The following SAMD5 variants were observed in gnomAD, a reference collection of about 807,000 sequenced individuals.
SAMD5 encodes sterile alpha motif domain containing 5.
In SAMD5, 13 loss-of-function variants were observed where a neutral mutation model predicts 11.3. The observed-to-expected ratio is 1.15, with a 90% CI of 0.75 to 1.83. The LOEUF is 1.83. Ranked by LOEUF, SAMD5 falls within the 40% of genes most tolerant of loss-of-function variation. SAMD5 has a pLI of 0.00. For missense variants in SAMD5, 255 were observed against 239.1 expected (o/e 1.07, Z -0.44); for synonymous variants, 129 against 111.3 (o/e 1.16, Z -1.00).
intron 1 of SAMD5, among the ~76,000 whole-genome samples, chr6:147,524,194 G>C (rs1208381809): frequency 6.6e-6 from 1 of 151,898 alleles, no homozygotes; most frequent in Non-Finnish European, 1.5e-5. Context: ...GTGGTGAATT[G>C]ACTCTTCCGC....
At chr6:147,683,235 A>C (rs984304398) in intron 1 of SAMD5, among the ~76,000 whole-genome samples, 4 of 152,234 alleles carry the variant, frequency 2.6e-5, no homozygotes, top group Admixed American at 6.5e-5. Flanking sequence ...ACTACTTCAG[A>C]AGTTTTTAAA....
At chr6:147,854,557 C>A in the SAMD5 span, among the ~76,000 whole-genome samples, 1 of 152,134 alleles carries the variant, frequency 6.6e-6, no homozygotes, top group Non-Finnish European at 1.5e-5. Context: ...CTCTATTGTA[C>A]CTTGGATCAC....
At chr6:147,631,658 G>A (rs879305184) in intron 1 of SAMD5, among the ~76,000 whole-genome samples, 1 of 152,134 alleles carries the variant, frequency 6.6e-6, no homozygotes, top group African/African-American at 2.4e-5. Flanking sequence ...CAGACCCTGT[G>A]GGAAACGCCT....
At chr6:147,888,952 G>A in the SAMD5 span, among the ~76,000 whole-genome samples, 1 of 151,706 alleles carries the variant, frequency 6.6e-6, no homozygotes, top group African/African-American at 2.4e-5. Flanking sequence ...ATATGCCTTA[G>A]TATAGTTTTC....
the SAMD5 span, among the ~76,000 whole-genome samples, chr6:147,904,172 C>T: frequency 1.3e-5 from 2 of 152,202 alleles, no homozygotes; most frequent in Non-Finnish European, 2.9e-5. Context: ...ATTGGTTCCT[C>T]TCTTCTTTAA....
chr6:147,556,984 T>C (rs1309145633), intron 1 of SAMD5, among the ~76,000 whole-genome samples: 1 of 152,240 alleles, frequency 6.6e-6, no homozygotes, highest in East Asian at 1.9e-4. Flanking sequence ...AGTAGTTCTG[T>C]ATGTTGACTG....
At chr6:147,811,469 T>C in the SAMD5 span, among the ~76,000 whole-genome samples, 8 of 152,154 alleles carry the variant, frequency 5.3e-5, no homozygotes, top group East Asian at 5.8e-4. Context: ...TGTGGACCCA[T>C]GGATAGCTTT....
chr6:147,858,965 A>T, the SAMD5 span, among the ~76,000 whole-genome samples: 2 of 152,214 alleles, frequency 1.3e-5, no homozygotes, highest in African/African-American at 4.8e-5. Flanking sequence ...GTACAATATT[A>T]GTATGTAGAT....
At chr6:147,674,486 C>A (rs775016567) in intron 1 of SAMD5, among the ~76,000 whole-genome samples, 5 of 152,124 alleles carry the variant, frequency 3.3e-5, no homozygotes, top group Non-Finnish European at 5.9e-5. Flanking sequence ...TAAAATCTGG[C>A]GGGCATTCTC....
the SAMD5 span, among the ~76,000 whole-genome samples, chr6:147,916,549 T>C: frequency 6.6e-6 from 1 of 152,124 alleles, no homozygotes; most frequent in Non-Finnish European, 1.5e-5. Context: ...CATAAATGTC[T>C]TTTTTAAAAT....
chr6:147,793,153 TCAA>T, the SAMD5 span, among the ~76,000 whole-genome samples: 1 of 151,078 alleles, frequency 6.6e-6, no homozygotes, highest in East Asian at 1.9e-4. Context: ...AAGGTCAACA[TCAA>T]CAACAAGTCA....
chr6:147,801,888 A>G, the SAMD5 span, among the ~76,000 whole-genome samples: 2 of 152,298 alleles, frequency 1.3e-5, no homozygotes, highest in South Asian at 2.1e-4. Flanking sequence ...CTTGACCCCT[A>G]TTTCACACTG....
intron 1 of SAMD5, among the ~76,000 whole-genome samples, chr6:147,661,652 T>A (rs2128454475): frequency 6.6e-6 from 1 of 152,302 alleles, no homozygotes; most frequent in East Asian, 1.9e-4. Context: ...TTATTTGAGA[T>A]GGAGTCTCTC....
At chr6:147,718,591 A>G (rs1791500515) in intron 1 of SAMD5, among the ~76,000 whole-genome samples, 1 of 152,222 alleles carries the variant, frequency 6.6e-6, no homozygotes, top group Non-Finnish European at 1.5e-5. Context: ...AAAGACATAT[A>G]GAAACTTCAA....
At chr6:147,677,728 G>A (rs117495092) in intron 1 of SAMD5, among the ~76,000 whole-genome samples, 2,356 of 152,166 alleles carry the variant, frequency 0.015, 35 homozygotes, top group Admixed American at 0.026. Context: ...ATGGGACATC[G>A]GCACTGTAAA....
downstream of SAMD5, among the ~76,000 whole-genome samples, chr6:147,574,423 C>T (rs1402449452): frequency 6.6e-6 from 1 of 152,132 alleles, no homozygotes; most frequent in East Asian, 1.9e-4. Flanking sequence ...TATTTATCTT[C>T]TGTAGGGACT....
chr6:147,671,256 G>A (rs144422801), intron 1 of SAMD5, among the ~76,000 whole-genome samples: 33 of 152,220 alleles, frequency 2.2e-4, no homozygotes, highest in African/African-American at 7.7e-4. Context: ...ACCATAGCAG[G>A]TATAATGAAA....
the SAMD5 span, among the ~76,000 whole-genome samples, chr6:147,807,463 A>G: frequency 3.2e-4 from 49 of 152,338 alleles, no homozygotes; most frequent in Non-Finnish European, 6.2e-4. Flanking sequence ...ACCGAAGCAG[A>G]TGAATACAGA....
chr6:147,852,634 A>C, the SAMD5 span, among the ~76,000 whole-genome samples: 2 of 152,212 alleles, frequency 1.3e-5, no homozygotes, highest in Admixed American at 6.5e-5. Flanking sequence ...ATTTTAATTG[A>C]AAAATACCCG....
Sources: gnomAD v4.1 joint callset for allele counts (sites outside exome capture counted in the v4.1 genomes callset) on GRCh38, gnomAD v4.1.1 for gene constraint, MANE v1.5 for transcripts, NCBI Gene and HGNC (gene_info 2026-07-23, HGNC 2026-07-21) for gene names.